Variants in AUTS2 observed in about 807,000 individuals in gnomAD.
AUTS2 encodes the protein autism susceptibility gene 2 protein.
Under a neutral mutation model 112.4 loss-of-function variants are expected in AUTS2, and 17 were observed. That is an observed-to-expected ratio of 0.15 (90% confidence interval 0.10 to 0.23). The LOEUF is 0.23. AUTS2 is among the 10% of genes least tolerant of loss of function. The probability of loss-of-function intolerance (pLI) is 1.00; values close to 1 mark genes in which losing one functional copy is unlikely to be tolerated. For synonymous variants in AUTS2, 751 were observed against 702.7 expected (o/e 1.07, Z -1.09); for missense variants, 1,510 against 1,701.6 (o/e 0.89, Z 1.98).
At chr7:69,719,807 G>A (rs1217045005) in intron 1 of AUTS2, among the ~76,000 whole-genome samples, 1 of 152,176 alleles carries the variant, frequency 6.6e-6, no homozygotes, top group East Asian at 1.9e-4. Flanking sequence ...CATGACTGCT[G>A]TTAATCATAG....
At chr7:70,425,021 A>T (rs1237589559) in intron 4 of AUTS2, among the ~76,000 whole-genome samples, 1 of 151,978 alleles carries the variant, frequency 6.6e-6, no homozygotes, top group Non-Finnish European at 1.5e-5. Flanking sequence ...CAAAATAGAG[A>T]GCTCAGGGCT....
chr7:70,689,743 T>A (rs1176974499), intron 5 of AUTS2, among the ~76,000 whole-genome samples: 1 of 123,698 alleles, frequency 8.1e-6, no homozygotes, highest in Non-Finnish European at 1.6e-5. Flanking sequence ...ACCACTGCAC[T>A]CCAGCCTAGG....
chr7:70,429,019 GA>G (rs1795542720), intron 4 of AUTS2, among the ~76,000 whole-genome samples: 1 of 152,212 alleles, frequency 6.6e-6, no homozygotes, highest in Admixed American at 6.5e-5. Flanking sequence ...TTTAATGGAA[GA>G]TATTTTCTTC....
At chr7:70,123,977 T>C (rs1805825038) in intron 3 of AUTS2, among the ~76,000 whole-genome samples, 1 of 152,178 alleles carries the variant, frequency 6.6e-6, no homozygotes, top group African/African-American at 2.4e-5. Context: ...TAGTTTATAA[T>C]TGTTCCCTTT....
chr7:69,783,760 T>G (rs939199435), intron 1 of AUTS2, among the ~76,000 whole-genome samples: 1 of 152,226 alleles, frequency 6.6e-6, no homozygotes, highest in African/African-American at 2.4e-5. Flanking sequence ...CCCCTTCCTT[T>G]GCCTGTTTCT....
intron 2 of AUTS2, among the ~76,000 whole-genome samples, chr7:69,969,641 G>A (rs1009999506): frequency 1.3e-5 from 2 of 152,024 alleles, no homozygotes; most frequent in Admixed American, 1.3e-4. Flanking sequence ...GTAAACACAG[G>A]GACAGCATTG....
chr7:69,761,772 G>T (rs1268904850), intron 1 of AUTS2, among the ~76,000 whole-genome samples: 1 of 152,096 alleles, frequency 6.6e-6, no homozygotes, highest in African/African-American at 2.4e-5. Context: ...AGGAGTTGTG[G>T]GTTAAGTTTC....
chr7:70,630,446 G>A (rs188153168), intron 5 of AUTS2, among the ~76,000 whole-genome samples: 1 of 152,326 alleles, frequency 6.6e-6, no homozygotes, highest in African/African-American at 2.4e-5. Flanking sequence ...TGTGTTCTCG[G>A]CTCCCGTGAA....
At chr7:70,219,371 C>T (rs2129591338) in intron 4 of AUTS2, among the ~76,000 whole-genome samples, 1 of 152,196 alleles carries the variant, frequency 6.6e-6, no homozygotes, top group Admixed American at 6.5e-5. Context: ...AACTGTCGCT[C>T]ATGCGTTCTC....
At chr7:69,824,647 G>A (rs1791161269) in intron 1 of AUTS2, 1 of 151,860 alleles carries the variant, frequency 6.6e-6, no homozygotes, top group South Asian at 2.1e-4. Context: ...GAGTGTCTGC[G>A]TTTCCTTTCT....
At chr7:70,245,416 G>A (rs1812871981) in intron 4 of AUTS2, among the ~76,000 whole-genome samples, 1 of 151,860 alleles carries the variant, frequency 6.6e-6, no homozygotes, top group Non-Finnish European at 1.5e-5. Flanking sequence ...ACAATTATTT[G>A]CCTTGCGAAT....
rs376424140 is a variant in AUTS2 at position 70,442,140 on chromosome 7, G to C, written c.690+6359G>C. ...AGCAAAGCAGACAGCCATCACCCAG[G>C]GAAAGAGAATGGATCCATGTTCTTG... is the stretch of plus-strand genomic sequence containing the variant. On this transcript the variant is annotated intron_variant, in intron 5 of 18. Coordinates refer to ENST00000342771, the MANE Select transcript of AUTS2 (RefSeq NM_015570.4). 3.9e-5 allele frequency among the ~76,000 whole-genome samples: 6 copies of C among 152,260 alleles called. No homozygotes were observed. The East Asian group carries it at 9.7e-4, about 24-fold the overall frequency.
At chr7:69,652,082 A>G (rs1584011819) in intron 1 of AUTS2, among the ~76,000 whole-genome samples, 1 of 152,320 alleles carries the variant, frequency 6.6e-6, no homozygotes, top group East Asian at 1.9e-4. Flanking sequence ...AGGAGACACC[A>G]TAATGGCCTT....
intron 4 of AUTS2, among the ~76,000 whole-genome samples, chr7:70,186,175 C>A (rs527391747): frequency 6.6e-6 from 1 of 151,974 alleles, no homozygotes; most frequent in Non-Finnish European, 1.5e-5. Context: ...AGGGGAACTT[C>A]GGGATGATAT....
intron 1 of AUTS2, among the ~76,000 whole-genome samples, chr7:69,738,687 C>A (rs999554452): frequency 6.6e-6 from 1 of 152,122 alleles, no homozygotes; most frequent in Non-Finnish European, 1.5e-5. Flanking sequence ...GGAATCTAGT[C>A]TTTGCTTGCG....
chr7:69,837,261 A>G (rs1435431779), intron 1 of AUTS2, among the ~76,000 whole-genome samples: 1 of 152,208 alleles, frequency 6.6e-6, no homozygotes, highest in African/African-American at 2.4e-5. Context: ...GACATCAATA[A>G]TGATGTAAGT....
intron 2 of AUTS2, among the ~76,000 whole-genome samples, chr7:70,086,843 CACTT>C (rs1478604938): frequency 1.3e-5 from 2 of 151,640 alleles, no homozygotes; most frequent in Non-Finnish European, 2.9e-5. Context: ...TTGGTAAACT[CACTT>C]ATTAGTGTTA....
chr7:70,526,414 G>A (rs543958974), intron 5 of AUTS2, among the ~76,000 whole-genome samples: 4 of 152,310 alleles, frequency 2.6e-5, no homozygotes, highest in African/African-American at 4.8e-5. Context: ...GCTTACACCT[G>A]TAATCCCAGC....
intron 2 of AUTS2, among the ~76,000 whole-genome samples, chr7:69,941,231 C>T (rs779181736): frequency 3.3e-5 from 5 of 152,136 alleles, no homozygotes; most frequent in Admixed American, 6.5e-5. Flanking sequence ...TGAGTCAAAG[C>T]GTGGGATGAT....
Sources: gnomAD v4.1 joint callset for allele counts (sites outside exome capture counted in the v4.1 genomes callset) on GRCh38, gnomAD v4.1.1 for gene constraint, MANE v1.5 for transcripts, NCBI Gene and HGNC (gene_info 2026-07-23, HGNC 2026-07-21) for gene names.